The following MACF1 variants were observed in gnomAD, a reference collection of about 807,000 sequenced individuals.
MACF1 encodes microtubule actin crosslinking factor 1.
A neutral mutation model predicts 854.8 loss-of-function variants in MACF1; 193 were observed. The observed-to-expected ratio is 0.23, with a 90% CI of 0.20 to 0.25. The LOEUF (loss-of-function observed/expected upper bound fraction) is 0.25. Ranked by LOEUF, MACF1 falls within the 10% of genes least tolerant of loss-of-function variation. The pLI, the probability that MACF1 is intolerant of heterozygous loss-of-function variation, is 1.00. For missense variants in MACF1, 7,722 were observed against 8,929.1 expected, an observed-to-expected ratio of 0.86 and a Z score of 5.45; for synonymous variants, 3,185 against 3,226.7, an observed-to-expected ratio of 0.99 and a Z score of 0.44.
At chr1:39,263,947 GTATTTT>G (rs1218387732) in intron 6 of MACF1, among the ~76,000 whole-genome samples, 1 of 151,364 alleles carries the variant, frequency 6.6e-6, no homozygotes, top group East Asian at 1.9e-4. Context: ...CTAATTTTTT[GTATTTT>G]TAGTAGAGAT....
chr1:39,379,068 T>C, intron 53 of MACF1, 135 bp from the exon 54 acceptor site: 1 of 974,044 alleles, frequency 1.0e-6, no homozygotes, highest in Non-Finnish European at 1.5e-6. Context: ...ATGGGAACTT[T>C]TGTATGATTT....
At chr1:39,303,507 G>A (rs748639909) in intron 23 of MACF1, among the ~76,000 whole-genome samples, 7 of 151,110 alleles carry the variant, frequency 4.6e-5, no homozygotes, top group East Asian at 3.9e-4. Flanking sequence ...CTGAGATTGC[G>A]CCACTGCACT....
intron 88 of MACF1, 50 bp from the exon 89 acceptor site, chr1:39,454,859 A>AG (rs746946052): frequency 2.1e-5 from 31 of 1,486,434 alleles, no homozygotes; most frequent in Non-Finnish European, 2.8e-5. Flanking sequence ...TTGGAAACAA[A>AG]GGGGGTATGC....
intron 99 of MACF1, among the ~76,000 whole-genome samples, chr1:39,483,880 G>C (rs755888917): frequency 3.3e-5 from 5 of 152,144 alleles, no homozygotes; most frequent in African/African-American, 1.2e-4. Flanking sequence ...GGCCAGGTGC[G>C]GTGGCTCACA....
intron 6 of MACF1, chr1:39,269,114 G>C: frequency 7.8e-7 from 1 of 1,289,818 alleles, no homozygotes; most frequent in South Asian, 1.2e-5. Flanking sequence ...CCCTGGAAGA[G>C]GGGATGACTG....
intron 46 of MACF1, 24 bp downstream of exon 46, chr1:39,358,897 T>G (rs756662288): frequency 1.3e-6 from 2 of 1,589,152 alleles, no homozygotes; most frequent in Non-Finnish European, 1.7e-6. Flanking sequence ...CAGGCTGTGT[T>G]GTGGTGTCAA....
At chr1:39,338,461 G>A (rs1646866546) in intron 38 of MACF1, among the ~76,000 whole-genome samples, 1 of 152,132 alleles carries the variant, frequency 6.6e-6, no homozygotes, top group Admixed American at 6.5e-5. Flanking sequence ...CAAAAATTGG[G>A]AGCACCAGAA....
intron 97 of MACF1, 95 bp from the exon 98 acceptor site, chr1:39,479,703 T>C (rs896665139): frequency 1.4e-5 from 14 of 1,016,538 alleles, no homozygotes; most frequent in Admixed American, 1.0e-4. Flanking sequence ...ATATAACTTA[T>C]ATAACTGTTA....
intron 1 of MACF1, among the ~76,000 whole-genome samples, chr1:39,217,806 C>A (rs919181087): frequency 6.7e-6 from 1 of 150,258 alleles, no homozygotes; most frequent in Non-Finnish European, 1.5e-5. Context: ...GAGGGAAGAT[C>A]GCTTGAGCCT....
At chr1:39,218,225 A>G (rs985134492) in intron 1 of MACF1, among the ~76,000 whole-genome samples, 1 of 148,926 alleles carries the variant, frequency 6.7e-6, no homozygotes, top group Non-Finnish European at 1.5e-5. Flanking sequence ...TGATTTTGAG[A>G]TGGCTGGTTT....
intron 58 of MACF1, chr1:39,414,317 T>C: frequency 6.2e-7 from 1 of 1,614,016 alleles, no homozygotes; most frequent in African/African-American, 1.3e-5. Context: ...TCAGTGCCTA[T>C]TTCAGAAGAA....
intron 2 of MACF1, among the ~76,000 whole-genome samples, chr1:39,109,412 G>A (rs924419221): frequency 1.3e-5 from 2 of 151,974 alleles, no homozygotes; most frequent in African/African-American, 4.8e-5. Flanking sequence ...TGGGATTACA[G>A]GTGCACGCCA....
chr1:39,383,024 G>A (rs1429389771), intron 56 of MACF1, among the ~76,000 whole-genome samples: 4 of 152,186 alleles, frequency 2.6e-5, no homozygotes, highest in Admixed American at 2.0e-4. Context: ...GGGAGGCTGA[G>A]GCAGGAGAAT....
rs370227662 is a variant in MACF1 at position 39,199,055 on chromosome 1, G to A, written c.221-32127G>A. 6.6e-4 allele frequency among the ~76,000 whole-genome samples: 100 copies of A among 151,816 alleles called. 2 individuals are homozygous for A. The South Asian group carries it at 0.019, about 29-fold the overall frequency. On this transcript the variant is annotated intron_variant, in intron 2 of 93. Transcript: ENST00000361689. The stretch of plus-strand genomic sequence containing the variant: ...GGCTGGAGTGCAGTGGCGCGATCTC[G>A]GCTCACTGCAAGCTCTGCCTACCAG...
intron 70 of MACF1, 53 bp downstream of exon 70, chr1:39,435,814 G>C: frequency 6.5e-7 from 1 of 1,529,048 alleles, no homozygotes; most frequent in Non-Finnish European, 9.0e-7. Flanking sequence ...TTCTAAACAA[G>C]AGGTCTCTGT....
chr1:39,200,287 T>C (rs898954850), upstream of MACF1, among the ~76,000 whole-genome samples: 9 of 152,194 alleles, frequency 5.9e-5, no homozygotes, highest in African/African-American at 2.2e-4. Flanking sequence ...TTAGCCCCTT[T>C]TGGTTGTTCT....
In MACF1 at chr1:39,293,508, T is replaced by G; in HGVS notation, c.2043T>G (p.Val681=). Residue 681 remains valine, a synonymous_variant, in exon 18 of 101, where the codon GTT becomes GTG. Transcript: ENST00000564288. ...MRHLQSLHKF[V]SRATAELIWL... The stretch of plus-strand genomic sequence containing the variant: ...ACCTTCAGAGCCTGCATAAATTTGT[T>G]TCCAGAGCTACAGCTGAGTTGATCT... 6.2e-7 allele frequency: 1 copy of G among 1,614,024 alleles called. No homozygotes were observed. Among genetic ancestry groups the G allele is most frequent in the South Asian group, 1.1e-5 (1 of 91,064 alleles).
chr1:39,275,461 C>T (rs1015847756), intron 6 of MACF1, among the ~76,000 whole-genome samples: 2 of 152,030 alleles, frequency 1.3e-5, no homozygotes, highest in African/African-American at 2.4e-5. Flanking sequence ...TCATAGCGCA[C>T]AGTAGCCATA....
At chr1:39,367,551 T>C (rs577927303) in intron 49 of MACF1, among the ~76,000 whole-genome samples, 1 of 152,102 alleles carries the variant, frequency 6.6e-6, no homozygotes, top group African/African-American at 2.4e-5. Flanking sequence ...TTTACCCCCA[T>C]TTTATAGAAG....
Sources: allele counts gnomAD v4.1 joint callset (sites outside exome capture counted in the v4.1 genomes callset), GRCh38; gene constraint gnomAD v4.1.1; transcripts MANE v1.5; gene names NCBI Gene and HGNC (gene_info 2026-07-23, HGNC 2026-07-21).